HS3ST3B1: variants seen among roughly 807,000 people sequenced by gnomAD.
The protein encoded by HS3ST3B1 is heparan sulfate-glucosamine 3-sulfotransferase 3B1, also known as heparan sulfate glucosamine 3-O-sulfotransferase 3B1.
In HS3ST3B1, 13 loss-of-function variants were observed where a neutral mutation model predicts 21.3. The ratio of observed to expected loss-of-function variants is 0.61; its 90% CI spans 0.40 to 0.97. The LOEUF is 0.97. Among genes scored for constraint, HS3ST3B1 ranks in the 50% least tolerant of loss-of-function variants. The pLI, the probability that HS3ST3B1 is intolerant of heterozygous loss-of-function variation, is 0.00. For missense variants in HS3ST3B1, 459 were observed against 554.8 expected (o/e 0.83, Z 1.73); for synonymous variants, 234 against 254.8 (o/e 0.92, Z 0.78).
intron 1 of HS3ST3B1, among the ~76,000 whole-genome samples, chr17:14,314,707 G>A (rs1909444061): frequency 6.6e-6 from 1 of 152,198 alleles, no homozygotes; most frequent in South Asian, 2.1e-4. Flanking sequence ...GACCTGGTGA[G>A]CCCCTGGGCT....
intron 1 of HS3ST3B1, among the ~76,000 whole-genome samples, chr17:14,312,916 T>C (rs1909355015): frequency 6.6e-6 from 1 of 150,430 alleles, no homozygotes; most frequent in African/African-American, 2.5e-5. Flanking sequence ...TTTTTTTTTT[T>C]TTTCCAGAGA....
chr17:14,332,134 A>T (rs1567641989), intron 1 of HS3ST3B1, among the ~76,000 whole-genome samples: 1 of 152,090 alleles, frequency 6.6e-6, no homozygotes, highest in Non-Finnish European at 1.5e-5. Flanking sequence ...GAGAGGAGAG[A>T]CTGTAACCTT....
chr17:14,313,109 T>TATATATATAC (rs1909372693), intron 1 of HS3ST3B1, among the ~76,000 whole-genome samples: 1 of 112,788 alleles, frequency 8.9e-6, no homozygotes, highest in African/African-American at 3.8e-5. Flanking sequence ...TGTGTGTGTG[T>TATATATATAC]ATATATATAT....
intron 1 of HS3ST3B1, among the ~76,000 whole-genome samples, chr17:14,310,464 G>A (rs983596748): frequency 6.6e-6 from 1 of 152,226 alleles, no homozygotes; most frequent in Non-Finnish European, 1.5e-5. Context: ...GGATTTGAAA[G>A]AGGCAACCTT....
chr17:14,316,598 G>A (rs1051153632), intron 1 of HS3ST3B1, among the ~76,000 whole-genome samples: 11 of 152,156 alleles, frequency 7.2e-5, no homozygotes, highest in Non-Finnish European at 1.3e-4. Flanking sequence ...TGCTAGCACC[G>A]AGATGATTGC....
At chr17:14,318,858 T>G (rs1372863332) in intron 1 of HS3ST3B1, among the ~76,000 whole-genome samples, 1 of 152,234 alleles carries the variant, frequency 6.6e-6, no homozygotes, top group Non-Finnish European at 1.5e-5. Flanking sequence ...TATTTTGTGT[T>G]CTGCGAAAAG....
rs921043208 is a variant in HS3ST3B1 at position 14,349,331 on chromosome 17, A to G, written c.*3685A>G. Reference sequence around the variant, plus strand: ...ACAAATTAATTTTACACAGAGAAAGATGTTTCTAGGCAAGTGAAATTCTGG... The same window carrying G: ...ACAAATTAATTTTACACAGAGAAAGGTGTTTCTAGGCAAGTGAAATTCTGG... On this transcript the variant is annotated 3_prime_UTR_variant, in exon 2 of 2. Transcript: ENST00000360954. 6.6e-6 allele frequency: 1 copy of G among 152,262 alleles called. No individual in the cohort carries two copies. Among genetic ancestry groups the G allele is most frequent in the African/African-American group, 2.4e-5 (1 of 41,474 alleles). The allele number at this position is 152,262 out of a possible 1,614,324, so 9.4% of individuals were successfully genotyped here.
rs1411726903 is a variant in HS3ST3B1, at chr17:14,339,090, G to A, written c.555-5938G>A. Among the ~76,000 whole-genome samples the A allele has an allele frequency of 4.6e-5, 7 of 152,244 alleles. No homozygotes were observed. The East Asian group carries it at 1.4e-3, about 29-fold the overall frequency. ...CTGGAGATGCTGTCTAGCCCCATCA[G>A]CCTCACAAACATCTATTAGTGATAT... On this transcript the variant is annotated intron_variant, in intron 1 of 1. Transcript: ENST00000360954.
At chr17:14,304,759 C>T (rs1251513256) in intron 1 of HS3ST3B1, 2 of 152,122 alleles carry the variant, frequency 1.3e-5, no homozygotes, top group African/African-American at 4.8e-5. Flanking sequence ...AATTCAGAAA[C>T]CTAGTTAAAA....
intron 1 of HS3ST3B1, among the ~76,000 whole-genome samples, chr17:14,312,343 G>A (rs1256624817): frequency 6.6e-6 from 1 of 152,128 alleles, no homozygotes; most frequent in African/African-American, 2.4e-5. Context: ...TCCATAACTT[G>A]GAGGCTGTCT....
intron 1 of HS3ST3B1, among the ~76,000 whole-genome samples, chr17:14,320,461 G>A (rs1389407407): frequency 5.9e-5 from 9 of 152,178 alleles, no homozygotes; most frequent in Non-Finnish European, 1.0e-4. Context: ...GAGAGTGACC[G>A]CATGAGGGGA....
rs1908939270 is a variant in HS3ST3B1 at position 14,301,791 on chromosome 17, G to A, written c.273G>A (p.Arg91=). Residue 91 remains arginine (R), a synonymous_variant, in exon 1 of 2, where the codon CGG becomes CGA. Transcript: ENST00000360954. ...PDGTPPRLPF[R]APPATPLASG... is the part of the protein sequence containing the mutation. ...GGACGCCCCCCAGGCTGCCGTTCCG[G>A]GCGCCGCCAGCCACCCCACTGGCTT... is the stretch of plus-strand genomic sequence containing the variant. 2 of 1,556,016 alleles carry A rather than the reference G, an allele frequency of 1.3e-6. No individual in the cohort carries two copies. The highest frequency in any genetic ancestry group is 1.2e-5 in the South Asian group (1 of 84,798).
At chr17:14,316,426 G>A (rs1285374575) in intron 1 of HS3ST3B1, among the ~76,000 whole-genome samples, 2 of 152,166 alleles carry the variant, frequency 1.3e-5, no homozygotes, top group African/African-American at 2.4e-5. Flanking sequence ...CAGGCTAATT[G>A]CAGGTTCAGC....
At chr17:14,313,102 G>GTGTGTTTATATATACATATATATATA (rs763647286) in intron 1 of HS3ST3B1, among the ~76,000 whole-genome samples, 1 of 95,676 alleles carries the variant, frequency 1.0e-5, no homozygotes, top group African/African-American at 5.0e-5. Flanking sequence ...TGGTGTGTGT[G>GTGTGTTTATATATACATATATATATA]TGTGTGTATA....
Position 14,301,478 on chromosome 17 carries a change from A to C in HS3ST3B1, c.-41A>C, listed in dbSNP as rs1908915616. ...CTCACTGCCCGGCGGGACCCACGCC[A>C]TGTGCTGAGCCATGTCCCTGGCCGC... On this transcript the variant is annotated 5_prime_UTR_variant, in exon 1 of 2. The change abolishes an upstream ATG in the 5' untranslated region. Transcript: ENST00000360954. The C allele has an allele frequency of 1.4e-6, 2 of 1,417,540 alleles. No individual in the cohort carries two copies. The highest frequency in any genetic ancestry group is 2.8e-5 in the East Asian group (1 of 35,858). 87.8% of individuals were successfully genotyped at this position (1,417,540 alleles called of 1,614,324 possible).
intron 1 of HS3ST3B1, among the ~76,000 whole-genome samples, chr17:14,324,924 T>C (rs1181876730): frequency 6.6e-6 from 1 of 152,138 alleles, no homozygotes; most frequent in Non-Finnish European, 1.5e-5. Flanking sequence ...TTCTTAAAAA[T>C]GATACATAAA....
intron 1 of HS3ST3B1, among the ~76,000 whole-genome samples, chr17:14,316,855 G>T (rs1383696486): frequency 6.6e-6 from 1 of 152,216 alleles, no homozygotes; most frequent in Non-Finnish European, 1.5e-5. Flanking sequence ...GAGAGATGGG[G>T]ATTGATTTAC....
Position 14,317,017 on chromosome 17 carries a change from C to T in HS3ST3B1, c.554+14945C>T, listed in dbSNP as rs537231920. Among the ~76,000 whole-genome samples the T allele has an allele frequency of 9.2e-5, 14 of 152,358 alleles. No homozygotes were observed. The South Asian group carries it at 2.9e-3, about 32-fold the overall frequency. ...AACATCTGCATGGATCGCCTGCTCA[C>T]CTCTACCTGAGCCCTTGCTCAGGAG... On this transcript the variant is annotated intron_variant, in intron 1 of 1. Transcript: ENST00000360954.
chr17:14,346,946 C>A lies in HS3ST3B1; in HGVS notation c.*1300C>A, dbSNP rs764859848. ...AGGTACAGAGCCAGCCAGTGTTGGG[C>A]AGCAGGCTCACAGCCTCAATAGGGA... is the stretch of plus-strand genomic sequence containing the variant. On this transcript the variant is annotated 3_prime_UTR_variant, in exon 2 of 2. Transcript: ENST00000360954. 2.6e-5 allele frequency: 4 copies of A among 152,208 alleles called. No homozygotes were observed. The highest frequency in any genetic ancestry group is 4.4e-5 in the Non-Finnish European group (3 of 68,086). 9.4% of individuals were successfully genotyped at this position (152,208 alleles called of 1,614,324 possible). A position where few individuals can be genotyped will look rare whatever the true frequency, so the allele number is the denominator to read the frequency against.
Sources: gnomAD v4.1 joint callset for allele counts (sites outside exome capture counted in the v4.1 genomes callset) on GRCh38, gnomAD v4.1.1 for gene constraint, MANE v1.5 for transcripts, NCBI Gene and HGNC (gene_info 2026-07-23, HGNC 2026-07-21) for gene names.